SH3GL3: variants seen among roughly 807,000 people sequenced by gnomAD.
SH3GL3 encodes endophilin-A3.
Under a neutral mutation model 47.7 loss-of-function variants are expected in SH3GL3, and 33 were observed. That is an observed-to-expected ratio of 0.69 (90% CI 0.52 to 0.92). SH3GL3 has a LOEUF of 0.92. Among genes scored for constraint, SH3GL3 ranks in the 40% least tolerant of loss-of-function variants. SH3GL3 has a pLI of 0.00. For synonymous variants in SH3GL3, 155 were observed against 148.8 expected (o/e 1.04, Z -0.30); for missense variants, 363 against 417.8 (o/e 0.87, Z 1.14).
In SH3GL3 at chr15:83,447,767, C is replaced by A. The variant is rs907006978; in HGVS notation, c.45+189C>A. 6.6e-6 allele frequency among the ~76,000 whole-genome samples: 1 copy of A among 152,170 alleles called. No individual in the cohort carries two copies. The highest frequency in any genetic ancestry group is 1.5e-5 in the Non-Finnish European group (1 of 68,028). ...CTCCTCGGCGTCTTGGCGCCTTCTC[C>A]TTCCCATTCCCTGGCCCCCGGCTCT... is the stretch of plus-strand genomic sequence containing the variant. On this transcript the variant is annotated intron_variant, in intron 1 of 8. Transcript: ENST00000427482. The surrounding 1 kb of genome is among the most constrained non-coding windows in gnomAD (Gnocchi z 5.1).
At chr15:83,559,358 G>T in intron 2 of SH3GL3, 37 bp downstream of exon 2, 2 of 1,101,034 alleles carry the variant, frequency 1.8e-6, no homozygotes, top group South Asian at 2.5e-5. Flanking sequence ...ATTAGAAACT[G>T]ACTTTCATTG....
intron 6 of SH3GL3, 148 bp downstream of exon 6, chr15:83,576,889 T>A: frequency 5.9e-6 from 2 of 340,938 alleles, no homozygotes; most frequent in Non-Finnish European, 1.1e-5. Flanking sequence ...CTAATACTAA[T>A]AATAGCTGAT....
intron 1 of SH3GL3, among the ~76,000 whole-genome samples, chr15:83,466,656 A>G (rs972626551): frequency 7.9e-5 from 12 of 152,310 alleles, no homozygotes; most frequent in African/African-American, 2.9e-4. Flanking sequence ...GCTGTACCAT[A>G]TTACATTCCC....
At chr15:83,523,693 C>T (rs1004417483) in intron 1 of SH3GL3, among the ~76,000 whole-genome samples, 2 of 152,172 alleles carry the variant, frequency 1.3e-5, no homozygotes, top group Admixed American at 6.5e-5. Context: ...TCCAACATAG[C>T]CTAAACTATT....
chr15:83,458,027 T>C (rs1220885872), intron 1 of SH3GL3, among the ~76,000 whole-genome samples: 1 of 152,186 alleles, frequency 6.6e-6, no homozygotes, highest in Non-Finnish European at 1.5e-5. Context: ...AAGTTAAGTG[T>C]GTGTGTGGGT....
chr15:83,584,630 T>C (rs1005753676), intron 6 of SH3GL3, among the ~76,000 whole-genome samples: 1 of 152,182 alleles, frequency 6.6e-6, no homozygotes, highest in Non-Finnish European at 1.5e-5. Flanking sequence ...AAACATCAGC[T>C]GAGTGTGAGC....
chr15:83,504,433 A>G (rs1006780635), intron 1 of SH3GL3, among the ~76,000 whole-genome samples: 35 of 152,328 alleles, frequency 2.3e-4, no homozygotes, highest in African/African-American at 8.4e-4. Context: ...TGCGACCAAT[A>G]GAATATACAG....
chr15:83,561,746 T>G (rs190191513), intron 2 of SH3GL3, among the ~76,000 whole-genome samples: 1 of 152,240 alleles, frequency 6.6e-6, no homozygotes, highest in African/African-American at 2.4e-5. Context: ...CTGATAGCAT[T>G]TTTTAAAGAG....
intron 8 of SH3GL3, among the ~76,000 whole-genome samples, chr15:83,615,177 A>G (rs2060782058): frequency 6.6e-6 from 1 of 152,130 alleles, no homozygotes; most frequent in Admixed American, 6.5e-5. Flanking sequence ...GTCAAAATTG[A>G]AGTGAGATTT....
chr15:83,464,134 T>G (rs1180843749), intron 1 of SH3GL3, among the ~76,000 whole-genome samples: 1 of 152,196 alleles, frequency 6.6e-6, no homozygotes, highest in East Asian at 1.9e-4. Flanking sequence ...GAGACCATGC[T>G]TGCCTAGGTC....
At chr15:83,601,379 C>T (rs1012171329) in intron 8 of SH3GL3, among the ~76,000 whole-genome samples, 3 of 152,048 alleles carry the variant, frequency 2.0e-5, no homozygotes, top group Admixed American at 1.3e-4. Context: ...CCTTGTATGC[C>T]GATTTTGCTG....
intron 1 of SH3GL3, among the ~76,000 whole-genome samples, chr15:83,449,158 C>A (rs2039604363): frequency 6.6e-6 from 1 of 152,074 alleles, no homozygotes; most frequent in Admixed American, 6.6e-5. Flanking sequence ...AATGTTTAGC[C>A]CAGTAATTGT....
chr15:83,578,374 C>T (rs1596299318), intron 6 of SH3GL3, among the ~76,000 whole-genome samples: 1 of 152,122 alleles, frequency 6.6e-6, no homozygotes, highest in East Asian at 1.9e-4. Context: ...AGTTTTTAAA[C>T]CTGTGGGAAC....
chr15:83,535,799 C>G (rs950883519), intron 1 of SH3GL3, among the ~76,000 whole-genome samples: 23 of 152,198 alleles, frequency 1.5e-4, no homozygotes, highest in African/African-American at 5.5e-4. Context: ...AATTCATGAT[C>G]ATTGGGTACA....
chr15:83,457,843 A>G (rs2040073942), intron 1 of SH3GL3, among the ~76,000 whole-genome samples: 1 of 152,224 alleles, frequency 6.6e-6, no homozygotes, highest in Non-Finnish European at 1.5e-5. Flanking sequence ...AGGATATAAT[A>G]CAATCCATAT....
In SH3GL3 at chr15:83,448,441, G is replaced by GGTGTGTGTGT. The variant is rs1414993554; in HGVS notation, c.45+863_45+864insGTGTGTGTGT. ...AAAACAGGAGGGGAGACATGAAATTGATGTGTGTGTGTGTGTGTGTGTGTG... is the reference window on the plus strand; with the variant it reads ...AAAACAGGAGGGGAGACATGAAATTGGTGTGTGTGTATGTGTGTGTGTGTGTGTGTGTGTG... On this transcript the variant is annotated intron_variant, in intron 1 of 8. Coordinates refer to ENST00000427482, the MANE Select transcript of SH3GL3 (RefSeq NM_003027.5). The surrounding 1 kb of genome is among the most constrained non-coding windows in gnomAD (Gnocchi z 4.2). Among the ~76,000 whole-genome samples, 1 of 68,598 alleles carries GGTGTGTGTGT rather than the reference G, an allele frequency of 1.5e-5. No individual in the cohort carries two copies. Among genetic ancestry groups the GGTGTGTGTGT allele is most frequent in the Non-Finnish European group, 2.8e-5 (1 of 35,896 alleles). The allele number at this position is 68,598 out of a possible 152,430, so 45.0% of individuals were successfully genotyped here.
chr15:83,614,728 A>G (rs1292334062), intron 8 of SH3GL3, among the ~76,000 whole-genome samples: 1 of 152,166 alleles, frequency 6.6e-6, no homozygotes, highest in Non-Finnish European at 1.5e-5. Flanking sequence ...TCCGCTGATG[A>G]AGGCTCCTTA....
At chr15:83,619,990 A>G (rs2060908298), downstream of SH3GL3, among the ~76,000 whole-genome samples, 2 of 152,240 alleles carry the variant, frequency 1.3e-5, no homozygotes, top group South Asian at 4.1e-4. Flanking sequence ...TTGCCATTAC[A>G]ATAATGTTCA....
chr15:83,457,216 C>A (rs2040034328), intron 1 of SH3GL3, among the ~76,000 whole-genome samples: 1 of 152,200 alleles, frequency 6.6e-6, no homozygotes, highest in African/African-American at 2.4e-5. Context: ...TTCTGCATCC[C>A]ATAAAAGTCC....
Sources: gnomAD v4.1 joint callset for allele counts (sites outside exome capture counted in the v4.1 genomes callset) on GRCh38, gnomAD v4.1.1 for gene constraint, Gnocchi (gnomAD v3.1) non-coding constraint, MANE v1.5 for transcripts, NCBI Gene and HGNC (gene_info 2026-07-23, HGNC 2026-07-21) for gene names.